Variants in UTRN observed in about 807,000 individuals in gnomAD.
The protein encoded by UTRN is utrophin.
UTRN carries 283 observed loss-of-function variants against 463.9 expected under a neutral mutation model. The observed-to-expected ratio is 0.61, with a 90% CI of 0.55 to 0.67. The LOEUF (loss-of-function observed/expected upper bound fraction) is 0.67. UTRN is among the 30% of genes least tolerant of loss of function. UTRN has a pLI of 0.00. For missense variants in UTRN, 3,922 were observed against 4,084.3 expected, an observed-to-expected ratio of 0.96 and a Z score of 1.08; for synonymous variants, 1,442 against 1,431.5, an observed-to-expected ratio of 1.01 and a Z score of -0.17.
chr6:144,786,317 C>T (rs1427137921), intron 61 of UTRN, among the ~76,000 whole-genome samples: 3 of 152,172 alleles, frequency 2.0e-5, no homozygotes, highest in Non-Finnish European at 4.4e-5. Flanking sequence ...GACAGAGTCT[C>T]ACTCTGTCGC....
chr6:144,590,781 CTG>C (rs886588783), intron 51 of UTRN, among the ~76,000 whole-genome samples: 2 of 151,948 alleles, frequency 1.3e-5, no homozygotes, highest in Non-Finnish European at 2.9e-5. Flanking sequence ...TTCCACATCT[CTG>C]TGTTTCAGTT....
At chr6:144,491,233 G>T in intron 32 of UTRN, 131 bp downstream of exon 32, 1 of 835,974 alleles carries the variant, frequency 1.2e-6, no homozygotes, top group Non-Finnish European at 1.7e-6. Context: ...GATTGATGAT[G>T]GAAAACGTGT....
intron 2 of UTRN, among the ~76,000 whole-genome samples, chr6:144,340,011 A>T (rs1351114991): frequency 1.3e-5 from 2 of 152,180 alleles, no homozygotes; most frequent in Non-Finnish European, 2.9e-5. Context: ...TACTAGAAAT[A>T]TAAAAATTAG....
In UTRN at chr6:144,516,875, C is replaced by T; in HGVS notation, c.5468C>T (p.Pro1823Leu). ...AGAGGAGAAGAAATGTTACATCAAC[C>T]TATGGAAGATAATAAAAAAGAAAAG... is the stretch of plus-strand genomic sequence containing the variant. ...LQRGEEMLHQ[P>L]MEDNKKEKIR... The change falls in exon 39 of 75, where the codon CCT becomes CTT. Residue 1823 changes from proline to leucine, a missense_variant. By Grantham distance (98) the Pro-to-Leu change is moderately conservative. Around this residue, in one of 3 missense-constraint regions of UTRN, gnomAD observed 2,349 missense variants for 2,303.8 expected, o/e 1.02. Transcript: ENST00000367545. The T allele has an allele frequency of 2.6e-6, 4 of 1,512,696 alleles. No individual in the cohort carries two copies. Among genetic ancestry groups the T allele is most frequent in the Middle Eastern group, 1.9e-4 (1 of 5,400 alleles). The allele number at this position is 1,512,696 out of a possible 1,614,324, so 93.7% of individuals were successfully genotyped here. A position where few individuals can be genotyped will look rare whatever the true frequency, so the allele number is the denominator to read the frequency against.
chr6:144,552,682 CA>C (rs1039702797), intron 48 of UTRN, among the ~76,000 whole-genome samples: 8 of 152,074 alleles, frequency 5.3e-5, no homozygotes, highest in African/African-American at 1.9e-4. Flanking sequence ...AAACCCTTCC[CA>C]GGGGGAATGT....
intron 2 of UTRN, among the ~76,000 whole-genome samples, chr6:144,399,012 A>G (rs1190101900): frequency 6.6e-6 from 1 of 152,196 alleles, no homozygotes; most frequent in African/African-American, 2.4e-5. Context: ...CTTCTTGTAC[A>G]CTTAGGTAGT....
chr6:144,739,642 T>C (rs1789830820), intron 54 of UTRN, among the ~76,000 whole-genome samples: 1 of 152,182 alleles, frequency 6.6e-6, no homozygotes, highest in South Asian at 2.1e-4. Flanking sequence ...GGTAGAGACG[T>C]AGCTGACCAC....
chr6:144,824,598 A>T (rs1417263598), intron 66 of UTRN, among the ~76,000 whole-genome samples: 1 of 47,678 alleles, frequency 2.1e-5, no homozygotes, highest in Admixed American at 3.8e-4. Flanking sequence ...ATATATATAT[A>T]TATATATATA....
chr6:144,850,892 G>C, intron 74 of UTRN, 97 bp from the exon 75 acceptor site: 2 of 1,547,036 alleles, frequency 1.3e-6, no homozygotes. Flanking sequence ...TAAGACTCTT[G>C]AAAGAAGCAC....
chr6:144,636,231 G>A (rs569040395), intron 51 of UTRN, among the ~76,000 whole-genome samples: 25 of 152,168 alleles, frequency 1.6e-4, no homozygotes, highest in African/African-American at 5.3e-4. Flanking sequence ...ATGAGTTCAC[G>A]TCCCTTGCAA....
intron 68 of UTRN, among the ~76,000 whole-genome samples, chr6:144,828,378 T>C (rs1780372852): frequency 6.6e-6 from 1 of 152,114 alleles, no homozygotes; most frequent in South Asian, 2.1e-4. Context: ...GGTCTGATAA[T>C]GAAAAACCCA....
rs1266125011 is a variant in UTRN, at chr6:144,827,352, A to G, written c.9499A>G (p.Ile3167Val). Residue 3167 changes from isoleucine to valine, a missense_variant, in exon 67 of 75, where the codon ATC (isoleucine) becomes GTC (valine). Ile to Val is a conservative substitution (Grantham distance 29). Transcript: ENST00000367545. ...VLEGDNLETP[I>V]TLISMWPEHY... ...CTCCCTCTCCCCTCTTTGCAGTCCTATCACACTCATCAGTATGTGGCCAGA... is the reference window on the plus strand; with the variant it reads ...CTCCCTCTCCCCTCTTTGCAGTCCTGTCACACTCATCAGTATGTGGCCAGA... 6.2e-7 allele frequency: 1 copy of G among 1,613,412 alleles called. No homozygotes were observed. The highest frequency in any genetic ancestry group is 8.5e-7 in the Non-Finnish European group (1 of 1,179,566).
chr6:144,417,120 GA>G (rs201035233), intron 3 of UTRN, among the ~76,000 whole-genome samples: 3 of 150,964 alleles, frequency 2.0e-5, no homozygotes, highest in East Asian at 1.9e-4. Context: ...TGGTGTACTA[GA>G]AAAAAAAATA....
chr6:144,590,479 A>G (rs889465469), intron 51 of UTRN, among the ~76,000 whole-genome samples: 1 of 152,220 alleles, frequency 6.6e-6, no homozygotes, highest in African/African-American at 2.4e-5. Flanking sequence ...TCCCTAAGAA[A>G]GAAACTGAAA....
At chr6:144,611,884 C>G (rs536977085) in intron 51 of UTRN, among the ~76,000 whole-genome samples, 1 of 152,176 alleles carries the variant, frequency 6.6e-6, no homozygotes, top group Admixed American at 6.5e-5. Flanking sequence ...ACAAATGATT[C>G]TAAATAGCTA....
At chr6:144,713,067 A>G (rs545743217) in intron 53 of UTRN, among the ~76,000 whole-genome samples, 18 of 152,330 alleles carry the variant, frequency 1.2e-4, no homozygotes, top group Non-Finnish European at 1.9e-4. Flanking sequence ...ATTTGGGACC[A>G]AAAGTATTTA....
chr6:144,744,305 C>CAT (rs367840531), intron 54 of UTRN, among the ~76,000 whole-genome samples: 2,097 of 97,350 alleles, frequency 0.022, 26 homozygotes, highest in Non-Finnish European at 0.029. Context: ...ATGGTGTATA[C>CAT]ATATATATAT....
intron 3 of UTRN, among the ~76,000 whole-genome samples, chr6:144,414,198 A>C (rs1400779135): frequency 6.6e-6 from 1 of 152,012 alleles, no homozygotes; most frequent in African/African-American, 2.4e-5. Flanking sequence ...AGAAGAAGGC[A>C]TCGGTATCAT....
intron 51 of UTRN, among the ~76,000 whole-genome samples, chr6:144,640,224 G>A (rs1300125712): frequency 1.3e-5 from 2 of 152,142 alleles, no homozygotes; most frequent in African/African-American, 2.4e-5. Context: ...AGAACAAATT[G>A]TGGAATCTAA....
Sources: allele counts gnomAD v4.1 joint callset (sites outside exome capture counted in the v4.1 genomes callset), GRCh38; gene constraint gnomAD v4.1.1; regional missense constraint gnomAD v4.1.1; transcripts MANE v1.5; gene names NCBI Gene and HGNC (gene_info 2026-07-23, HGNC 2026-07-21).